TMEM235: variants seen among roughly 807,000 people sequenced by gnomAD.
The protein encoded by TMEM235 is claudin-27.
Under a neutral mutation model 22.9 loss-of-function variants are expected in TMEM235, and 23 were observed. The observed-to-expected ratio is 1.00, with a 90% CI of 0.72 to 1.42. TMEM235 has a LOEUF of 1.42. Ranked by LOEUF, TMEM235 falls within the 40% of genes most tolerant of loss-of-function variation. The pLI is 0.00. For synonymous variants in TMEM235, 137 were observed against 140.5 expected, an observed-to-expected ratio of 0.98 and a Z score of 0.17; for missense variants, 308 against 299.5, an observed-to-expected ratio of 1.03 and a Z score of -0.21.
exon 6 of TMEM235, chr17:78,240,510 C>G (rs931933164): frequency 2.5e-5 from 4 of 158,532 alleles, no homozygotes; most frequent in African/African-American, 9.6e-5. Flanking sequence ...GGCACGCCCA[C>G]CGTTATGCAG....
At chr17:78,236,658 G>C (rs533833000) in intron 4 of TMEM235, among the ~76,000 whole-genome samples, 1 of 152,316 alleles carries the variant, frequency 6.6e-6, no homozygotes, top group South Asian at 2.1e-4. Context: ...GTCCTCAGCC[G>C]CCCCTGTCAA....
At chr17:78,232,529 GGTT>G (rs1435395294) in intron 2 of TMEM235, among the ~76,000 whole-genome samples, 1 of 152,236 alleles carries the variant, frequency 6.6e-6, no homozygotes, top group Non-Finnish European at 1.5e-5. Flanking sequence ...AGTCACCAGG[GGTT>G]GTTTCTTGAT....
In TMEM235 at chr17:78,238,979, G is replaced by C. The variant is rs568119124; in HGVS notation, c.410-45G>C. On this transcript the variant is annotated intron_variant, in intron 4 of 5. Coordinates refer to ENST00000421688, the Ensembl canonical transcript of TMEM235. The surrounding 1 kb of genome is among the most constrained non-coding windows in gnomAD (Gnocchi z 4.3). The stretch of plus-strand genomic sequence containing the variant: ...TGCAGGACCACCTGGGCCTGGGCCC[G>C]CTAGAGCAGACACCGAGCAGCTGCC... 6.6e-7 allele frequency: 1 copy of C among 1,514,098 alleles called. No homozygotes were observed. 93.8% of individuals were successfully genotyped at this position (1,514,098 alleles called of 1,614,324 possible).
chr17:78,235,128 G>C (rs934722575), intron 4 of TMEM235, among the ~76,000 whole-genome samples: 8 of 152,166 alleles, frequency 5.3e-5, no homozygotes, highest in Non-Finnish European at 1.0e-4. Flanking sequence ...ATAAAGAAAA[G>C]AGGTTTAATT....
exon 2 of TMEM235, chr17:78,231,433 C>G: frequency 1.5e-6 from 2 of 1,297,080 alleles, no homozygotes; most frequent in African/African-American, 1.5e-5. Context: ...CTTCCGCAGC[C>G]CCCCGCCCGG....
exon 6 of TMEM235, chr17:78,240,059 C>T: frequency 2.1e-6 from 3 of 1,460,054 alleles, no homozygotes; most frequent in Non-Finnish European, 2.7e-6. Context: ...GAAGAGCAGG[C>T]ACCCAGATCT....
chr17:78,231,584 G>C lies in TMEM235; in HGVS notation c.-440G>C, dbSNP rs765766631. The C allele has an allele frequency of 3.9e-5, 51 of 1,303,822 alleles. No individual in the cohort carries two copies. In the African/African-American group the frequency reaches 6.7e-4, roughly 17 times the overall value. The allele number at this position is 1,303,822 out of a possible 1,614,324, so 80.8% of individuals were successfully genotyped here. On this transcript the variant is annotated 5_prime_UTR_variant, in exon 2 of 6. Coordinates refer to ENST00000421688, the Ensembl canonical transcript of TMEM235. ...GGTGGGTGGTCCTGCTGCCTGGCCG[G>C]CCATCCTCCTGGGGTCGGTCTCTGG...
chr17:78,239,125 C>G lies in TMEM235; in HGVS notation c.511C>G (p.Arg171Gly), dbSNP rs750225684. ...TGGCCCGCAGCACATGCAGGGCGTC[C>G]GCGTCAGCTTCGGCTGGTCCATGGC... Residue 171 changes from arginine (R) to glycine (G), a missense_variant, in exon 5 of 6, where the codon CGC becomes GGC. Coordinates refer to ENST00000421688, the Ensembl canonical transcript of TMEM235. 4 of 1,543,530 alleles carry G rather than the reference C, an allele frequency of 2.6e-6. No individual in the cohort carries two copies. In the South Asian group the frequency reaches 4.8e-5, roughly 18 times the overall value.
chr17:78,239,223 C>A, exon 5 of TMEM235: 7 of 1,543,062 alleles, frequency 4.5e-6, no homozygotes, highest in Middle Eastern at 1.7e-4. Flanking sequence ...GGACCCTCAG[C>A]CTGAGCCCCC....
Position 78,234,625 on chromosome 17 carries a change from CT to C in TMEM235, c.305del (p.Leu102ArgfsTer38). Reference sequence around the variant, plus strand: ...CCGTGCAGTCATTGTGGTCCTGCCCCTGAGCCTGGTCCTTCTCGTGTGTGGC... The same window carrying C: ...CCGTGCAGTCATTGTGGTCCTGCCCCGAGCCTGGTCCTTCTCGTGTGTGGC... On this transcript the variant is annotated frameshift_variant, in exon 4 of 6. Transcript: ENST00000421688. LOFTEE classifies it high-confidence loss of function. 1 of 1,536,244 alleles carries C rather than the reference CT, an allele frequency of 6.5e-7. No homozygotes were observed. Among genetic ancestry groups the C allele is most frequent in the African/African-American group, 1.4e-5 (1 of 73,186 alleles).
chr17:78,240,144 T>A (rs1599049130), exon 6 of TMEM235: 1 of 1,144,746 alleles, frequency 8.7e-7, no homozygotes, highest in Middle Eastern at 3.5e-4. Context: ...CCGGGGGAGG[T>A]ATGCCACTGT....
In TMEM235 at chr17:78,239,694, T is replaced by A. The variant is rs570212633; in HGVS notation, c.660-86T>A. On this transcript the variant is annotated intron_variant, in intron 5 of 5. Coordinates refer to ENST00000421688, the Ensembl canonical transcript of TMEM235. ...AGGACCTGGGAGAAAAGTAGGTGCCTGTTAAATGCCGCAGGACTGGGCTCC... is the reference window on the plus strand; with the variant it reads ...AGGACCTGGGAGAAAAGTAGGTGCCAGTTAAATGCCGCAGGACTGGGCTCC... The A allele has an allele frequency of 6.1e-6, 9 of 1,466,674 alleles. No homozygotes were observed. The East Asian group carries it at 2.3e-4, about 37-fold the overall frequency. The allele number at this position is 1,466,674 out of a possible 1,614,324, so 90.9% of individuals were successfully genotyped here.
chr17:78,239,418 G>A, intron 5 of TMEM235, 145 bp downstream of exon 4: 1 of 1,057,600 alleles, frequency 9.5e-7, no homozygotes, highest in Non-Finnish European at 1.3e-6. Context: ...GTGGAGGGCA[G>A]AGCCAAGAAT....
exon 6 of TMEM235, chr17:78,240,216 G>A (rs1450097394): frequency 4.0e-6 from 2 of 503,316 alleles, no homozygotes; most frequent in South Asian, 2.5e-5. Context: ...TGGGGTGGGG[G>A]TGTCATGCCA....
chr17:78,240,159 G>A (rs1043544035), exon 6 of TMEM235: 4 of 968,676 alleles, frequency 4.1e-6, no homozygotes, highest in Non-Finnish European at 5.5e-6. Context: ...CACTGTGAGT[G>A]CCCTGGTGGG....
At position 78,237,011 on chromosome 17, in the gene TMEM235, G is replaced by T. The variant is rs752134402; in HGVS notation, c.410-2013G>T. Among the ~76,000 whole-genome samples the T allele has an allele frequency of 5.3e-5, 8 of 152,228 alleles. No individual in the cohort carries two copies. Among genetic ancestry groups the T allele is most frequent in the Non-Finnish European group, 1.0e-4 (7 of 68,036 alleles). On this transcript the variant is annotated intron_variant, in intron 4 of 5. Transcript: ENST00000421688. This position sits in a 1 kb window ranked among gnomAD's most constrained non-coding sequence, Gnocchi z 4.7. ...ACTAGAGTGTAATTGGGTTGGGATT[G>T]TAACCAGAAGAACTTACAGGGACAC...
exon 2 of TMEM235, chr17:78,231,685 G>A (rs747963456): frequency 6.2e-6 from 8 of 1,287,176 alleles, no homozygotes; most frequent in African/African-American, 1.5e-5. Context: ...CTGAGGAGCC[G>A]GGGGTTCAGG....
intron 5 of TMEM235, 41 bp from the exon 5 acceptor site, chr17:78,239,739 C>A: frequency 6.6e-7 from 1 of 1,518,346 alleles, no homozygotes; most frequent in Non-Finnish European, 8.9e-7. Context: ...TCCAGCCCCG[C>A]AATGGCCCTA....
In TMEM235 at chr17:78,237,765, A is replaced by C. The variant is rs1311957684; in HGVS notation, c.410-1259A>C. Among the ~76,000 whole-genome samples the C allele has an allele frequency of 1.3e-5, 2 of 152,112 alleles. No individual in the cohort carries two copies. Among genetic ancestry groups the C allele is most frequent in the Admixed American group, 1.3e-4 (2 of 15,280 alleles). ...TCAATTTGGCTTCACATTCTTCCCC[A>C]AAATAAATCCATAATTTCTGTTGCT... On this transcript the variant is annotated intron_variant, in intron 4 of 5. Coordinates refer to ENST00000421688, the Ensembl canonical transcript of TMEM235. The surrounding 1 kb of genome is among the most constrained non-coding windows in gnomAD (Gnocchi z 4.7).
Sources: allele counts gnomAD v4.1 joint callset (sites outside exome capture counted in the v4.1 genomes callset), GRCh38; gene constraint gnomAD v4.1.1; non-coding constraint Gnocchi (gnomAD v3.1); transcripts MANE v1.5; gene names NCBI Gene and HGNC (gene_info 2026-07-23, HGNC 2026-07-21).